Variants in AGBL1 observed in about 807,000 individuals in gnomAD.
AGBL1 encodes cytosolic carboxypeptidase 4.
A neutral mutation model predicts 118.9 loss-of-function variants in AGBL1; 130 were observed. The ratio of observed to expected loss-of-function variants is 1.09; its 90% CI spans 0.95 to 1.26. AGBL1 has a LOEUF of 1.26. Among genes scored for constraint, AGBL1 ranks in the 50% most tolerant of loss-of-function variants. The pLI, the probability that AGBL1 is intolerant of heterozygous loss-of-function variation, is 0.00. For synonymous variants in AGBL1, 555 were observed against 478.9 expected (o/e 1.16, Z -2.08); for missense variants, 1,584 against 1,298.1 (o/e 1.22, Z -3.38).
chr15:86,898,835 A>G (rs1052766237), intron 22 of AGBL1, among the ~76,000 whole-genome samples: 4 of 152,218 alleles, frequency 2.6e-5, no homozygotes, highest in South Asian at 2.1e-4. Context: ...CAAAATGACA[A>G]TGAGATACCA....
rs566238951 is a variant in AGBL1, at chr15:86,296,899, A to G, written c.2374+1491A>G. The G allele has an allele frequency of 2.6e-5, 4 of 152,326 alleles. No homozygotes were observed. In the South Asian group the frequency reaches 6.2e-4, roughly 24 times the overall value. The allele number at this position is 152,326 out of a possible 1,614,324, so 9.4% of individuals were successfully genotyped here. ...AAGTCTGAGCTTCTTTTTCTAAAAA[A>G]GAGTTGAGCAGAACTCTGATGTATC... is the stretch of plus-strand genomic sequence containing the variant. On this transcript the variant is annotated intron_variant, in intron 17 of 22. Coordinates refer to ENST00000614907, the MANE Select transcript of AGBL1 (RefSeq NM_001386094.1).
At chr15:87,012,192 TACACAC>T (rs57985975) in intron 24 of AGBL1, among the ~76,000 whole-genome samples, 365 of 142,780 alleles carry the variant, frequency 2.6e-3, no homozygotes, top group African/African-American at 5.3e-3. Flanking sequence ...TACAAATTTA[TACACAC>T]ACACACACAC....
intron 22 of AGBL1, among the ~76,000 whole-genome samples, chr15:86,758,959 A>G (rs1016499109): frequency 7.8e-6 from 1 of 128,068 alleles, no homozygotes; most frequent in African/African-American, 3.2e-5. Flanking sequence ...GATGACAGAC[A>G]CCCTGTCAAA....
At chr15:86,555,679 T>C (rs2083723782) in intron 21 of AGBL1, among the ~76,000 whole-genome samples, 1 of 152,144 alleles carries the variant, frequency 6.6e-6, no homozygotes, top group South Asian at 2.1e-4. Flanking sequence ...AGTCTGAGAT[T>C]GGGCATCAAG....
chr15:86,708,876 T>A (rs1468583864), intron 22 of AGBL1, among the ~76,000 whole-genome samples: 1 of 152,118 alleles, frequency 6.6e-6, no homozygotes, highest in Admixed American at 6.6e-5. Context: ...TTTGCACACT[T>A]GCCAAGTCCT....
At chr15:86,976,748 C>A (rs977864658) in intron 23 of AGBL1, among the ~76,000 whole-genome samples, 2 of 151,720 alleles carry the variant, frequency 1.3e-5, no homozygotes, top group African/African-American at 4.8e-5. Flanking sequence ...AAATTCGTAT[C>A]TTTTTTATTA....
intron 22 of AGBL1, among the ~76,000 whole-genome samples, chr15:86,717,787 A>T (rs2142709783): frequency 6.6e-6 from 1 of 152,268 alleles, no homozygotes; most frequent in African/African-American, 2.4e-5. Flanking sequence ...GAGAATTTAA[A>T]ACCCAATTCA....
chr15:87,009,336 C>T (rs150522975), intron 24 of AGBL1, among the ~76,000 whole-genome samples: 2,794 of 152,284 alleles, frequency 0.018, 98 homozygotes, highest in African/African-American at 0.064. Context: ...GCAGCTTTCA[C>T]ATGGTGTTGA....
At chr15:86,151,777 C>G (rs2077114908) in intron 3 of AGBL1, among the ~76,000 whole-genome samples, 1 of 152,194 alleles carries the variant, frequency 6.6e-6, no homozygotes, top group African/African-American at 2.4e-5. Context: ...TTAGAAAACC[C>G]TATCATCTCA....
rs16976348 is a variant in AGBL1, at chr15:86,363,654, T to C, written c.2375-33712T>C. Among the ~76,000 whole-genome samples the C allele has an allele frequency of 9.0e-3, 1,369 of 152,350 alleles. 27 individuals carry two copies. The highest frequency in any genetic ancestry group is 0.031 in the African/African-American group (1,304 of 41,590). On this transcript the variant is annotated intron_variant, in intron 17 of 22. Transcript: ENST00000614907. ...TTTCTCTGTATCTCAGGAATGTTTA[T>C]GATTACTCTGTTTCAGCTATAAACC...
intron 17 of AGBL1, among the ~76,000 whole-genome samples, chr15:86,356,539 C>A (rs1187889511): frequency 2.6e-5 from 4 of 151,938 alleles, no homozygotes; most frequent in African/African-American, 9.7e-5. Context: ...GGCAAGCTTG[C>A]TGGTCTTAGG....
chr15:86,723,413 C>G (rs1196186836), intron 22 of AGBL1, among the ~76,000 whole-genome samples: 1 of 152,106 alleles, frequency 6.6e-6, no homozygotes, highest in Non-Finnish European at 1.5e-5. Context: ...GGACAAAAAA[C>G]CAAACACCAC....
chr15:86,476,148 G>A (rs538865524), intron 18 of AGBL1, among the ~76,000 whole-genome samples: 59 of 152,260 alleles, frequency 3.9e-4, no homozygotes, highest in African/African-American at 5.3e-4. Context: ...AAAGACCATC[G>A]ATGCTAGGAA....
rs145665836 is a variant in AGBL1, at chr15:86,115,839, C to T, written c.52-26165C>T. On this transcript the variant is annotated intron_variant, in intron 1 of 22. Coordinates refer to ENST00000614907, the MANE Select transcript of AGBL1 (RefSeq NM_001386094.1). ...TGACTTTTCCATGAAACTCCAGACT[C>T]ATCTCTCCAGGATGACCAAACATTT... Among the ~76,000 whole-genome samples the T allele has an allele frequency of 5.3e-5, 8 of 152,318 alleles. No individual in the cohort carries two copies. The East Asian group carries it at 1.2e-3, about 22-fold the overall frequency.
intron 18 of AGBL1, among the ~76,000 whole-genome samples, chr15:86,487,030 G>T (rs1236173897): frequency 6.6e-6 from 1 of 152,048 alleles, no homozygotes; most frequent in African/African-American, 2.4e-5. Context: ...CACGCTCCTT[G>T]CTATAAAACT....
intron 6 of AGBL1, among the ~76,000 whole-genome samples, chr15:86,243,837 C>T (rs1178040872): frequency 5.3e-5 from 8 of 151,940 alleles, no homozygotes; most frequent in Middle Eastern, 3.4e-3. Context: ...GGTGAAACCC[C>T]GTCTCTACTA....
chr15:86,698,910 G>T lies in AGBL1; in HGVS notation c.3158+24474G>T, dbSNP rs79089060. Among the ~76,000 whole-genome samples, 353 of 152,006 alleles carry T rather than the reference G, an allele frequency of 2.3e-3. 8 individuals carry two copies. In the East Asian group the frequency reaches 0.058, roughly 25 times the overall value. Reference sequence around the variant, plus strand: ...AAAGATTTATTCAACGTTTTCATTTGATATATATGTAATTTAGACTTCTTG... The same window carrying T: ...AAAGATTTATTCAACGTTTTCATTTTATATATATGTAATTTAGACTTCTTG... On this transcript the variant is annotated intron_variant, in intron 22 of 22. Coordinates refer to ENST00000614907, the MANE Select transcript of AGBL1 (RefSeq NM_001386094.1).
chr15:86,985,148 G>A (rs1289825578), intron 23 of AGBL1, among the ~76,000 whole-genome samples: 2 of 152,108 alleles, frequency 1.3e-5, no homozygotes, highest in Non-Finnish European at 2.9e-5. Context: ...TTAATGATGG[G>A]AATTTGGATT....
At chr15:86,958,969 G>A (rs1471398020) in intron 23 of AGBL1, among the ~76,000 whole-genome samples, 2 of 152,100 alleles carry the variant, frequency 1.3e-5, no homozygotes, top group Non-Finnish European at 2.9e-5. Context: ...TATTTGAAAT[G>A]TTAAAACACT....
Sources: gnomAD v4.1 joint callset for allele counts (sites outside exome capture counted in the v4.1 genomes callset) on GRCh38, gnomAD v4.1.1 for gene constraint, MANE v1.5 for transcripts, NCBI Gene and HGNC (gene_info 2026-07-23, HGNC 2026-07-21) for gene names.